PDE4A: variants seen among roughly 807,000 people sequenced by gnomAD.
PDE4A encodes the protein phosphodiesterase 4A, also known as 3',5'-cyclic-AMP phosphodiesterase 4A.
Under a neutral mutation model 73.9 loss-of-function variants are expected in PDE4A, and 21 were observed. That is an observed-to-expected ratio of 0.28 (90% CI 0.20 to 0.41). The LOEUF is 0.41. Among genes scored for constraint, PDE4A ranks in the 10% least tolerant of loss-of-function variants. PDE4A has a pLI of 1.00. For synonymous variants in PDE4A, 463 were observed against 505.4 expected (o/e 0.92, Z 1.13); for missense variants, 958 against 1,211.4 (o/e 0.79, Z 3.10).
rs202082451 is a variant in PDE4A at position 10,446,222 on chromosome 19, G to A, written c.325G>A (p.Glu109Lys). Reference sequence around the variant, plus strand: ...CTTCTCGCCCATCCCCTGCAGCTTCGAGGCAGAGAATGGGCCGACACCATC... The same window carrying A: ...CTTCTCGCCCATCCCCTGCAGCTTCAAGGCAGAGAATGGGCCGACACCATC... The part of the protein sequence containing the change: ...GAGGGSSRRF[E>K]AENGPTPSPG... Residue 109 changes from glutamate (E) to lysine (K), a missense_variant, in exon 2 of 15, where the codon GAG (glutamate) becomes AAG (lysine). By Grantham distance (56) the Glu-to-Lys change is moderately conservative. Transcript: ENST00000380702. The A allele has an allele frequency of 2.7e-5, 42 of 1,567,560 alleles. No individual in the cohort carries two copies. Among genetic ancestry groups the A allele is most frequent in the Non-Finnish European group, 3.1e-5 (36 of 1,156,520 alleles).
rs573424569 is a variant in PDE4A at position 10,459,615 on chromosome 19, A to G, written c.1221A>G (p.Lys407=). 3 of 1,614,178 alleles carry G rather than the reference A, an allele frequency of 1.9e-6. No individual in the cohort carries two copies. Among genetic ancestry groups the G allele is most frequent in the African/African-American group, 2.7e-5 (2 of 75,062 alleles). The change falls in exon 10 of 15, where the codon AAA becomes AAG. Residue 407 remains lysine, a synonymous_variant. Transcript: ENST00000380702. ...MIFQERDLLK[K]FRIPVDTMVT... ...CTCAGGAGCGGGACCTGCTGAAGAA[A>G]TTCCGCATCCCTGTGGACACGATGG... is the stretch of plus-strand genomic sequence containing the variant.
rs758302546 is a variant in PDE4A at position 10,450,680 on chromosome 19, G to A, written c.670+28G>A. 1.9e-5 allele frequency: 30 copies of A among 1,596,928 alleles called. No homozygotes were observed. In the Admixed American group the frequency reaches 5.2e-4, roughly 28 times the overall value. ...AGCTAAGCCCAGAGGGGTGGGAAGG[G>A]GCCCCCCTTGCTGCCCCAGTGGGGG... On this transcript the variant is annotated intron_variant, in intron 5 of 14. Transcript: ENST00000380702.
upstream of PDE4A, chr19:10,420,510 CCGCGGAA>C (rs1362289171): frequency 1.9e-6 from 2 of 1,040,336 alleles, no homozygotes; most frequent in South Asian, 4.7e-5. This position sits in a 1 kb window ranked among gnomAD's most constrained non-coding sequence, Gnocchi z 6.0. Flanking sequence ...GCCGAGCGGG[CCGCGGAA>C]CGCGGAGCGC....
Position 10,463,774 on chromosome 19 carries a change from G to A in PDE4A, c.1744-19G>A. 1 of 1,612,892 alleles carries A rather than the reference G, an allele frequency of 6.2e-7. No homozygotes were observed. On this transcript the variant is annotated intron_variant, in intron 13 of 14. Transcript: ENST00000380702. The stretch of plus-strand genomic sequence containing the variant: ...AGGCATAGCCTCTGAAGTTTCCCCT[G>A]TGCCCCAACCCCATGCAGGTCCTCC...
intron 14 of PDE4A, among the ~76,000 whole-genome samples, chr19:10,465,343 C>T (rs1440061719): frequency 1.3e-5 from 2 of 152,030 alleles, no homozygotes; most frequent in African/African-American, 4.8e-5. Context: ...GCCTCAGCCT[C>T]CCGAGAAGCT....
chr19:10,459,218 T>C, intron 8 of PDE4A, 182 bp from the exon 9 acceptor site: 1 of 1,029,430 alleles, frequency 9.7e-7, no homozygotes, highest in Non-Finnish European at 1.4e-6. Flanking sequence ...GTGGCTGTGA[T>C]TGCTTTCGCT....
chr19:10,428,357 C>CGAGAGAGAGA lies in PDE4A; in HGVS notation c.320+7300_320+7309dup, dbSNP rs56177515. ...TCGATGACAGAGTGAGATCCTGTCT[C>CGAGAGAGAGA]GAGAGAGAGAGAGAGAGAGAGAGAG... On this transcript the variant is annotated intron_variant, in intron 1 of 14. Coordinates refer to ENST00000380702, the MANE Select transcript of PDE4A (RefSeq NM_001111307.2). Among the ~76,000 whole-genome samples the CGAGAGAGAGA allele has an allele frequency of 8.9e-3, 1,222 of 137,348 alleles. 6 individuals carry two copies. The highest frequency in any genetic ancestry group is 0.014 in the Non-Finnish European group (899 of 64,256). The allele number at this position is 137,348 out of a possible 152,430, so 90.1% of individuals were successfully genotyped here. A position where few individuals can be genotyped will look rare whatever the true frequency, so the allele number is the denominator to read the frequency against.
At chr19:10,463,609 G>A in intron 13 of PDE4A, 184 bp from the exon 14 acceptor site, 1 of 604,006 alleles carries the variant, frequency 1.7e-6, no homozygotes, top group Non-Finnish European at 2.1e-6. Context: ...CACCATGTTG[G>A]CCAGGCTGGT....
At position 10,457,438 on chromosome 19, in the gene PDE4A, G is replaced by C. The variant is rs1421841954; in HGVS notation, c.878-441G>C. 9.4e-5 allele frequency among the ~76,000 whole-genome samples: 13 copies of C among 138,286 alleles called. No individual in the cohort carries two copies. In the East Asian group the frequency reaches 3.4e-3, roughly 36 times the overall value. 90.7% of individuals were successfully genotyped at this position (138,286 alleles called of 152,430 possible). The stretch of plus-strand genomic sequence containing the variant: ...GGCTGGTGCCAAGGTGGGCGGGGGG[G>C]GGGGGGGGCAGGGACATGGAGCCAG... On this transcript the variant is annotated intron_variant, in intron 7 of 14. Transcript: ENST00000380702.
intron 3 of PDE4A, 32 bp from the exon 4 acceptor site, chr19:10,449,045 GGAA>G: frequency 6.2e-7 from 1 of 1,612,302 alleles, no homozygotes; most frequent in South Asian, 1.1e-5. Flanking sequence ...CCTCTCTAGG[GGAA>G]CCCCACTCCT....
At chr19:10,463,707 T>C in intron 13 of PDE4A, 86 bp from the exon 14 acceptor site, 2 of 1,575,598 alleles carry the variant, frequency 1.3e-6, no homozygotes, top group African/African-American at 2.7e-5. Context: ...GGCCCCCATT[T>C]CTTAAAAAAG....
Position 10,425,984 on chromosome 19 carries a change from CAAAAAAAAAAAA to C in PDE4A, c.320+4918_320+4929del, listed in dbSNP as rs1168197109. Among the ~76,000 whole-genome samples the C allele has an allele frequency of 1.5e-3, 71 of 48,384 alleles. 1 individual carries two copies. The highest frequency in any genetic ancestry group is 0.013 in the Middle Eastern group (1 of 76). 31.7% of individuals were successfully genotyped at this position (48,384 alleles called of 152,430 possible). A position where few individuals can be genotyped will look rare whatever the true frequency, so the allele number is the denominator to read the frequency against. On this transcript the variant is annotated intron_variant, in intron 1 of 14. Coordinates refer to ENST00000380702, the MANE Select transcript of PDE4A (RefSeq NM_001111307.2). ...TCTGGGCGAGAGACTGAGACCCTGT[CAAAAAAAAAAAA>C]AAAAAAAAAAAAAAAAAGGAAGGAG... is the stretch of plus-strand genomic sequence containing the variant.
At chr19:10,456,736 C>A (rs1222306546) in intron 7 of PDE4A, among the ~76,000 whole-genome samples, 5 of 151,906 alleles carry the variant, frequency 3.3e-5, no homozygotes, top group Non-Finnish European at 7.4e-5. Context: ...TTCAATGGAA[C>A]CCCAAATGCA....
chr19:10,435,059 G>A (rs2042846829), intron 1 of PDE4A, among the ~76,000 whole-genome samples: 1 of 151,968 alleles, frequency 6.6e-6, no homozygotes, highest in Non-Finnish European at 1.5e-5. Flanking sequence ...CTTTACCAAT[G>A]TGTTCGTTTC....
At chr19:10,434,591 G>GT (rs925177339) in intron 1 of PDE4A, among the ~76,000 whole-genome samples, 35 of 144,388 alleles carry the variant, frequency 2.4e-4, no homozygotes, top group South Asian at 6.6e-4. Flanking sequence ...ACATAAGTTT[G>GT]TTTTTTTTTT....
At chr19:10,464,120 C>T (rs143564325) in intron 14 of PDE4A, 145 bp downstream of exon 14, 12 of 1,091,616 alleles carry the variant, frequency 1.1e-5, no homozygotes, top group Middle Eastern at 5.3e-4. Flanking sequence ...GTTTTTGAGA[C>T]GGAGTCTCAT....
Position 10,467,582 on chromosome 19 carries a change from A to G in PDE4A, c.2622A>G (p.Pro874=), listed in dbSNP as rs2043401165. Residue 874 remains proline (P), a synonymous_variant, in exon 15 of 15, where the codon CCA becomes CCG. Coordinates refer to ENST00000380702, the MANE Select transcript of PDE4A (RefSeq NM_001111307.2). ...GTFGEDTSAL[P]APGGGGSGGD... ...TTGGGGAGGACACATCCGCACTCCC[A>G]GCTCCTGGTGGCGGGGGGTCAGGTG... 1.3e-6 allele frequency: 2 copies of G among 1,593,848 alleles called. No individual in the cohort carries two copies. The highest frequency in any genetic ancestry group is 2.2e-5 in the South Asian group (2 of 89,304).
intron 3 of PDE4A, 26 bp from the exon 4 acceptor site, chr19:10,449,054 C>T (rs998574730): frequency 1.2e-6 from 2 of 1,612,546 alleles, no homozygotes; most frequent in Non-Finnish European, 1.7e-6. Context: ...GGGAACCCCA[C>T]TCCTCACTGC....
At chr19:10,452,392 G>C (rs567853860) in intron 6 of PDE4A, among the ~76,000 whole-genome samples, 3 of 151,602 alleles carry the variant, frequency 2.0e-5, no homozygotes, top group Non-Finnish European at 2.9e-5. Flanking sequence ...AGCCGAGATC[G>C]TGCCATTGCA....
Sources: gnomAD v4.1 joint callset for allele counts (sites outside exome capture counted in the v4.1 genomes callset) on GRCh38, gnomAD v4.1.1 for gene constraint, Gnocchi (gnomAD v3.1) non-coding constraint, MANE v1.5 for transcripts, NCBI Gene and HGNC (gene_info 2026-07-23, HGNC 2026-07-21) for gene names.